The following RORA variants were observed in gnomAD, a reference collection of about 807,000 sequenced individuals.
The protein encoded by RORA is nuclear receptor ROR-alpha.
In RORA, 7 loss-of-function variants were observed where a neutral mutation model predicts 69.5. The observed-to-expected ratio is 0.10, with a 90% confidence interval of 0.06 to 0.19. The LOEUF (loss-of-function observed/expected upper bound fraction) is 0.19. RORA is among the 10% of genes least tolerant of loss of function. RORA has a pLI of 1.00. For synonymous variants in RORA, 261 were observed against 240.8 expected (o/e 1.08, Z -0.78); for missense variants, 457 against 663.0 (o/e 0.69, Z 3.41).
At chr15:60,763,314 G>A (rs966805665) in intron 1 of RORA, among the ~76,000 whole-genome samples, 28 of 151,888 alleles carry the variant, frequency 1.8e-4, no homozygotes, top group African/African-American at 6.5e-4. Context: ...TGTTTCCCCC[G>A]CCCTGGAAAC....
At chr15:61,073,402 C>G (rs1480745776) in intron 1 of RORA, among the ~76,000 whole-genome samples, 2 of 152,194 alleles carry the variant, frequency 1.3e-5, no homozygotes, top group South Asian at 2.1e-4. Context: ...AAAGCTTGCA[C>G]TCATTCAGGG....
intron 1 of RORA, among the ~76,000 whole-genome samples, chr15:60,743,927 A>C (rs75873338): frequency 0.028 from 4,269 of 152,266 alleles, 141 homozygotes; most frequent in African/African-American, 0.074. Flanking sequence ...GGGATGAAGG[A>C]GAAGAATAAA....
chr15:60,678,367 A>G (rs2140747980), intron 2 of RORA: 1 of 314,532 alleles, frequency 3.2e-6, no homozygotes, highest in South Asian at 5.5e-5. Flanking sequence ...AAGGGTGATC[A>G]GTAAGTAATT....
At chr15:60,728,866 G>A (rs765630785) in intron 1 of RORA, among the ~76,000 whole-genome samples, 1 of 152,014 alleles carries the variant, frequency 6.6e-6, no homozygotes, top group Non-Finnish European at 1.5e-5. Flanking sequence ...CTATAAGAAA[G>A]GTGCAGATTT....
intron 1 of RORA, among the ~76,000 whole-genome samples, chr15:60,977,596 G>T (rs1011418700): frequency 6.6e-6 from 1 of 151,984 alleles, no homozygotes; most frequent in Non-Finnish European, 1.5e-5. Flanking sequence ...AAACCCCATA[G>T]CTGTTAGCAG....
At chr15:61,109,097 G>A (rs1467003026) in intron 1 of RORA, among the ~76,000 whole-genome samples, 1 of 152,162 alleles carries the variant, frequency 6.6e-6, no homozygotes, top group Non-Finnish European at 1.5e-5. Context: ...TTGGGAGGCT[G>A]AGGCACGAGA....
chr15:60,573,326 G>A (rs1003584264), intron 2 of RORA, among the ~76,000 whole-genome samples: 32 of 152,284 alleles, frequency 2.1e-4, no homozygotes, highest in African/African-American at 7.0e-4. Context: ...TTGAAGACTC[G>A]TGGCGGATGC....
chr15:60,996,546 G>T (rs1325741754), intron 1 of RORA, among the ~76,000 whole-genome samples: 1 of 152,144 alleles, frequency 6.6e-6, no homozygotes, highest in Non-Finnish European at 1.5e-5. Flanking sequence ...ACAATGAAGT[G>T]GCAGCTACAG....
chr15:61,109,546 C>A (rs930573002), intron 1 of RORA, among the ~76,000 whole-genome samples: 2 of 152,184 alleles, frequency 1.3e-5, no homozygotes, highest in Non-Finnish European at 1.5e-5. Flanking sequence ...TAAATAAACA[C>A]CCTTTGGCAA....
intron 1 of RORA, among the ~76,000 whole-genome samples, chr15:61,001,566 C>A (rs958149597): frequency 2.6e-5 from 4 of 152,168 alleles, no homozygotes; most frequent in African/African-American, 9.7e-5. Flanking sequence ...GACGGCTGCC[C>A]AAGGCCACAT....
At chr15:61,105,305 G>A (rs2078937057) in intron 1 of RORA, among the ~76,000 whole-genome samples, 1 of 152,172 alleles carries the variant, frequency 6.6e-6, no homozygotes, top group Non-Finnish European at 1.5e-5. Flanking sequence ...AGTTTCATGA[G>A]AGCAGGAAGA....
At position 60,888,909 on chromosome 15, in the gene RORA, C is replaced by T. The variant is rs576026644; in HGVS notation, c.167-210223G>A. 4.4e-4 allele frequency among the ~76,000 whole-genome samples: 43 copies of T among 97,178 alleles called. No individual in the cohort carries two copies. The South Asian group carries it at 0.014, about 32-fold the overall frequency. 63.8% of individuals were successfully genotyped at this position (97,178 alleles called of 152,430 possible). A position where few individuals can be genotyped will look rare whatever the true frequency, so the allele number is the denominator to read the frequency against. On this transcript the variant is annotated intron_variant, in intron 1 of 10. Coordinates refer to ENST00000335670, the MANE Select transcript of RORA (RefSeq NM_134261.3). Reference sequence around the variant, plus strand: ...GAGGGAGCCTCACACATTCCTGCTCCGAGGAGTGGGAGGGTGGGTGGGGGC... The same window carrying T: ...GAGGGAGCCTCACACATTCCTGCTCTGAGGAGTGGGAGGGTGGGTGGGGGC...
At chr15:60,863,626 C>G (rs1373230549) in intron 1 of RORA, among the ~76,000 whole-genome samples, 1 of 152,148 alleles carries the variant, frequency 6.6e-6, no homozygotes, top group Non-Finnish European at 1.5e-5. Flanking sequence ...GTAAAATAGG[C>G]ATAATACTGC....
At chr15:60,804,412 C>T (rs763937196) in intron 1 of RORA, among the ~76,000 whole-genome samples, 3 of 151,824 alleles carry the variant, frequency 2.0e-5, no homozygotes, top group Admixed American at 6.6e-5. Flanking sequence ...TGGAGGCCCA[C>T]ACGAATCCTC....
At position 60,873,028 on chromosome 15, in the gene RORA, T is replaced by G. The variant is rs999142225; in HGVS notation, c.167-194342A>C. 1.6e-4 allele frequency among the ~76,000 whole-genome samples: 25 copies of G among 152,268 alleles called. 1 individual carries two copies. The South Asian group carries it at 4.8e-3, about 29-fold the overall frequency. ...TCTTTCCTCTTCTCCTTCTTCTTAG[T>G]TTTCGTTTTTCACATCAAGTGCCGA... On this transcript the variant is annotated intron_variant, in intron 1 of 10. Coordinates refer to ENST00000335670, the MANE Select transcript of RORA (RefSeq NM_134261.3).
intron 1 of RORA, among the ~76,000 whole-genome samples, chr15:61,016,423 A>G (rs1199118647): frequency 6.6e-6 from 1 of 152,242 alleles, no homozygotes; most frequent in East Asian, 1.9e-4. Context: ...GCATGCCAAC[A>G]AAGACTTCAT....
intron 1 of RORA, among the ~76,000 whole-genome samples, chr15:60,832,983 C>T (rs1356789145): frequency 6.6e-6 from 1 of 151,962 alleles, no homozygotes; most frequent in African/African-American, 2.4e-5. Flanking sequence ...CGGCTCACTG[C>T]AAGCTCCGCC....
intron 1 of RORA, among the ~76,000 whole-genome samples, chr15:60,937,362 T>C (rs1448566858): frequency 6.6e-6 from 1 of 152,176 alleles, no homozygotes; most frequent in Non-Finnish European, 1.5e-5. Context: ...TTCATAAGGC[T>C]TTTGTCTTGG....
intron 1 of RORA, among the ~76,000 whole-genome samples, chr15:60,733,555 G>C (rs1447516475): frequency 6.6e-6 from 1 of 152,038 alleles, no homozygotes; most frequent in Admixed American, 6.6e-5. Context: ...GGATTAAAGA[G>C]GATATTCCCC....
Sources: gnomAD v4.1 joint callset for allele counts (sites outside exome capture counted in the v4.1 genomes callset) on GRCh38, gnomAD v4.1.1 for gene constraint, MANE v1.5 for transcripts, NCBI Gene and HGNC (gene_info 2026-07-23, HGNC 2026-07-21) for gene names.